The following CLIC5 variants were observed in gnomAD, a reference collection of about 807,000 sequenced individuals.
CLIC5 encodes the protein chloride intracellular channel protein 5.
Under a neutral mutation model 24.7 loss-of-function variants are expected in CLIC5, and 20 were observed. The ratio of observed to expected loss-of-function variants is 0.81; its 90% CI spans 0.57 to 1.18. The LOEUF (loss-of-function observed/expected upper bound fraction) is 1.18. CLIC5 is among the 50% of genes most tolerant of loss of function. The probability of loss-of-function intolerance (pLI) is 0.00; values close to 1 mark genes in which losing one functional copy is unlikely to be tolerated. For synonymous variants in CLIC5, 159 were observed against 135.6 expected (o/e 1.17, Z -1.20); for missense variants, 341 against 326.1 (o/e 1.05, Z -0.35).
rs1561964569 is a variant in CLIC5, at chr6:45,958,449, T to TACACACACACACAC, written c.64-3206_64-3205insGTGTGTGTGTGTGT. ...ATATATATATATATATATATATATA[T>TACACACACACACAC]ATATATATATATATATATATATATA... is the stretch of plus-strand genomic sequence containing the variant. On this transcript the variant is annotated intron_variant, in intron 1 of 5. Transcript: ENST00000339561. Among the ~76,000 whole-genome samples, 2 of 24,240 alleles carry TACACACACACACAC rather than the reference T, an allele frequency of 8.3e-5. 1 individual carries two copies. The highest frequency in any genetic ancestry group is 1.4e-4 in the African/African-American group (2 of 13,928). 15.9% of individuals were successfully genotyped at this position (24,240 alleles called of 152,430 possible). A position where few individuals can be genotyped will look rare whatever the true frequency, so the allele number is the denominator to read the frequency against.
chr6:46,083,554 G>A (rs1196576406), upstream of CLIC5, among the ~76,000 whole-genome samples: 2 of 152,148 alleles, frequency 1.3e-5, no homozygotes, highest in Non-Finnish European at 2.9e-5. Flanking sequence ...TTCAGGAGCA[G>A]GTTGTTCAGT....
chr6:45,912,819 C>T, intron 5 of CLIC5: 1 of 960,084 alleles, frequency 1.0e-6, no homozygotes, highest in African/African-American at 1.6e-5. Context: ...TTGGCTGGAC[C>T]TACAAGTGAC....
intron 2 of CLIC5, among the ~76,000 whole-genome samples, chr6:45,951,238 T>TC (rs1347214375): frequency 6.6e-6 from 1 of 151,856 alleles, no homozygotes; most frequent in Non-Finnish European, 1.5e-5. Context: ...AGTGCATTTC[T>TC]CCCCCCTGGG....
At chr6:45,972,741 C>A (rs753733110) in intron 1 of CLIC5, among the ~76,000 whole-genome samples, 4 of 152,168 alleles carry the variant, frequency 2.6e-5, no homozygotes, top group South Asian at 2.1e-4. Context: ...TCTTCAGAAC[C>A]TTTGCAAGAT....
intron 1 of CLIC5, among the ~76,000 whole-genome samples, chr6:45,963,279 T>C (rs1405087824): frequency 2.0e-5 from 3 of 152,186 alleles, no homozygotes; most frequent in Non-Finnish European, 4.4e-5. Flanking sequence ...GCAGCCTCCC[T>C]TGCCACTTGG....
rs1766698620 is a variant in CLIC5 at position 46,008,910 on chromosome 6, G to A, written c.63+6570C>T. On this transcript the variant is annotated intron_variant, in intron 1 of 5. Transcript: ENST00000339561. ...TATTTTGTCCTTTTGATGCTCCACT[G>A]AGTAGTTCAGCCCTATTTACCCATG... Among the ~76,000 whole-genome samples the A allele has an allele frequency of 2.6e-5, 4 of 152,046 alleles. No homozygotes were observed. The South Asian group carries it at 8.3e-4, about 32-fold the overall frequency.
At chr6:46,085,857 C>G in the CLIC5 span, among the ~76,000 whole-genome samples, 1 of 152,220 alleles carries the variant, frequency 6.6e-6, no homozygotes, top group Non-Finnish European at 1.5e-5. Context: ...GTGGAGCCTA[C>G]AGAGGCAGGC....
At chr6:45,922,823 A>AGAGAGAG (rs1763318438) in intron 4 of CLIC5, among the ~76,000 whole-genome samples, 15 of 140,718 alleles carry the variant, frequency 1.1e-4, no homozygotes, top group African/African-American at 3.8e-4. Flanking sequence ...GAGAGAGAGA[A>AGAGAGAG]AGAGAGAGAG....
At chr6:45,980,538 C>A (rs1441645344) in intron 1 of CLIC5, among the ~76,000 whole-genome samples, 4 of 151,794 alleles carry the variant, frequency 2.6e-5, no homozygotes, top group African/African-American at 9.7e-5. Flanking sequence ...TGTAACAAAC[C>A]AGCACATGTA....
the CLIC5 span, among the ~76,000 whole-genome samples, chr6:46,124,713 C>T: frequency 6.6e-6 from 1 of 152,122 alleles, no homozygotes; most frequent in East Asian, 1.9e-4. Flanking sequence ...CTACAAAGAA[C>T]TCAAACAAAT....
intron 5 of CLIC5, among the ~76,000 whole-genome samples, chr6:45,910,016 A>G (rs1333034048): frequency 1.3e-5 from 2 of 152,224 alleles, no homozygotes; most frequent in African/African-American, 4.8e-5. Flanking sequence ...ACTGTTGCAG[A>G]CATGTTCACA....
intron 4 of CLIC5, among the ~76,000 whole-genome samples, chr6:45,924,584 C>T (rs1763403342): frequency 6.6e-6 from 1 of 152,038 alleles, no homozygotes; most frequent in South Asian, 2.1e-4. Flanking sequence ...GGGTAAATGA[C>T]TCAGATTTTT....
intron 5 of CLIC5, among the ~76,000 whole-genome samples, chr6:45,910,894 G>C (rs1762797545): frequency 6.6e-6 from 1 of 152,220 alleles, no homozygotes; most frequent in South Asian, 2.1e-4. Context: ...CTTTCTGTCA[G>C]AGTCTCCATT....
chr6:46,106,799 G>C, the CLIC5 span, among the ~76,000 whole-genome samples: 1 of 152,220 alleles, frequency 6.6e-6, no homozygotes, highest in East Asian at 1.9e-4. Context: ...ATGTAAATTT[G>C]CTACCACGTT....
intron 1 of CLIC5, among the ~76,000 whole-genome samples, chr6:45,962,016 ATGTGTGTG>A (rs147836190): frequency 1.3e-5 from 2 of 149,378 alleles, no homozygotes; most frequent in Non-Finnish European, 3.0e-5. Context: ...CACAACATGT[ATGTGTGTG>A]TGTGTGTGTA....
chr6:45,902,724 T>G lies in CLIC5; in HGVS notation c.*364A>C. 1 of 221,602 alleles carries G rather than the reference T, an allele frequency of 4.5e-6. No individual in the cohort carries two copies. Among genetic ancestry groups the G allele is most frequent in the South Asian group, 7.1e-5 (1 of 14,004 alleles). 13.7% of individuals were successfully genotyped at this position (221,602 alleles called of 1,614,324 possible). A position where few individuals can be genotyped will look rare whatever the true frequency, so the allele number is the denominator to read the frequency against. ...GACGGAGAGGAGGGTAGAAAAGGAGTTGGTGTTGCATGTTTCTAAAGCATC... is the reference window on the plus strand; with the variant it reads ...GACGGAGAGGAGGGTAGAAAAGGAGGTGGTGTTGCATGTTTCTAAAGCATC... On this transcript the variant is annotated 3_prime_UTR_variant, in exon 6 of 6. Transcript: ENST00000339561.
Position 45,997,423 on chromosome 6 carries a change from G to A in CLIC5, c.63+18057C>T, listed in dbSNP as rs536940467. Reference sequence around the variant, plus strand: ...AATGCTAGATGATGAGTTAGTGGGTGCAGCGCACCAGCATGGCACATGTAT... The same window carrying A: ...AATGCTAGATGATGAGTTAGTGGGTACAGCGCACCAGCATGGCACATGTAT... On this transcript the variant is annotated intron_variant, in intron 1 of 5. Transcript: ENST00000339561. Among the ~76,000 whole-genome samples, 409 of 150,148 alleles carry A rather than the reference G, an allele frequency of 2.7e-3. 1 individual carries two copies. The highest frequency in any genetic ancestry group is 8.7e-3 in the African/African-American group (354 of 40,848).
At chr6:46,119,287 G>T in the CLIC5 span, among the ~76,000 whole-genome samples, 3 of 152,332 alleles carry the variant, frequency 2.0e-5, no homozygotes, top group Non-Finnish European at 4.4e-5. Flanking sequence ...ACTTCTTGCA[G>T]CTGAATTTAA....
At chr6:45,935,130 T>C (rs1253939750) in intron 4 of CLIC5, among the ~76,000 whole-genome samples, 1 of 152,108 alleles carries the variant, frequency 6.6e-6, no homozygotes, top group African/African-American at 2.4e-5. Context: ...AAATGGCAGA[T>C]TGAGGGTAAG....
Sources: gnomAD v4.1 joint callset for allele counts (sites outside exome capture counted in the v4.1 genomes callset) on GRCh38, gnomAD v4.1.1 for gene constraint, MANE v1.5 for transcripts, NCBI Gene and HGNC (gene_info 2026-07-23, HGNC 2026-07-21) for gene names.